MYO1D: variants seen among roughly 807,000 people sequenced by gnomAD.
MYO1D encodes myosin ID.
In MYO1D, 83 loss-of-function variants were observed where a neutral mutation model predicts 122.0. The observed-to-expected ratio is 0.68, with a 90% CI of 0.57 to 0.82. The LOEUF (loss-of-function observed/expected upper bound fraction) is 0.82. Among genes scored for constraint, MYO1D ranks in the 40% least tolerant of loss-of-function variants. The pLI is 0.00. For synonymous variants in MYO1D, 464 were observed against 446.9 expected (o/e 1.04, Z -0.48); for missense variants, 1,157 against 1,269.5 (o/e 0.91, Z 1.35).
At chr17:32,691,879 T>C (rs1042603731) in intron 16 of MYO1D, among the ~76,000 whole-genome samples, 1 of 152,210 alleles carries the variant, frequency 6.6e-6, no homozygotes, top group Non-Finnish European at 1.5e-5. Context: ...CTTATGCCAG[T>C]AGTGTACATC....
At chr17:32,582,069 G>A (rs1257580477) in intron 21 of MYO1D, among the ~76,000 whole-genome samples, 1 of 151,790 alleles carries the variant, frequency 6.6e-6, no homozygotes, top group Non-Finnish European at 1.5e-5. Flanking sequence ...AGGCACCATG[G>A]CTGGCTGATT....
chr17:32,622,531 G>C (rs555733828), intron 20 of MYO1D, among the ~76,000 whole-genome samples: 10 of 152,280 alleles, frequency 6.6e-5, no homozygotes, highest in African/African-American at 2.4e-4. Context: ...AAGGCATACA[G>C]AGGGATAAGA....
intron 1 of MYO1D, among the ~76,000 whole-genome samples, chr17:32,832,293 C>CT (rs955471882): frequency 0.04 from 5,554 of 139,818 alleles, 264 homozygotes; most frequent in African/African-American, 0.12. Flanking sequence ...TTTCTTTCTT[C>CT]TTTTTTTTTT....
chr17:32,602,671 A>C (rs2087575899), intron 21 of MYO1D: 1 of 152,056 alleles, frequency 6.6e-6, no homozygotes, highest in African/African-American at 2.4e-5. Flanking sequence ...CAGCCTTGGG[A>C]AGTTTTGAGC....
chr17:32,513,549 T>C (rs1909772249), intron 21 of MYO1D, among the ~76,000 whole-genome samples: 1 of 152,190 alleles, frequency 6.6e-6, no homozygotes, highest in Non-Finnish European at 1.5e-5. Context: ...CTCAGTGCTC[T>C]CTCTCCCTTA....
intron 1 of MYO1D, among the ~76,000 whole-genome samples, chr17:32,840,269 G>C (rs1598145963): frequency 6.6e-6 from 1 of 152,210 alleles, no homozygotes; most frequent in East Asian, 1.9e-4. Context: ...GGCATCTAAA[G>C]GAAGGTTGCA....
chr17:32,798,628 A>G (rs2090437378), intron 1 of MYO1D, among the ~76,000 whole-genome samples: 1 of 152,206 alleles, frequency 6.6e-6, no homozygotes, highest in Admixed American at 6.5e-5. Context: ...GGCATCCCCA[A>G]GTGAAATATC....
chr17:32,623,103 G>GCCCC (rs1555632427), intron 20 of MYO1D, among the ~76,000 whole-genome samples: 1 of 93,628 alleles, frequency 1.1e-5, no homozygotes, highest in East Asian at 3.1e-4. Flanking sequence ...CAGAATGGCT[G>GCCCC]CTCAACAGGA....
intron 20 of MYO1D, among the ~76,000 whole-genome samples, chr17:32,606,066 C>T (rs1297249687): frequency 6.6e-6 from 1 of 152,116 alleles, no homozygotes; most frequent in African/African-American, 2.4e-5. Context: ...TGCCACTGTA[C>T]TCCACTCCAG....
At chr17:32,799,937 A>G (rs145503882) in intron 1 of MYO1D, among the ~76,000 whole-genome samples, 43 of 152,328 alleles carry the variant, frequency 2.8e-4, no homozygotes, top group African/African-American at 1.0e-3. Context: ...ATACATATGA[A>G]AAACTGCTCA....
chr17:32,654,433 T>G, intron 18 of MYO1D, 44 bp downstream of exon 18: 1 of 1,545,516 alleles, frequency 6.5e-7, no homozygotes, highest in African/African-American at 1.4e-5. Flanking sequence ...TCTTTTTTAG[T>G]AGAGGAAGTA....
At chr17:32,834,997 T>C (rs9891828) in intron 1 of MYO1D, among the ~76,000 whole-genome samples, 69,847 of 151,508 alleles carry the variant, frequency 0.46, 16,168 homozygotes, top group East Asian at 0.53. Flanking sequence ...GGTGACAGAG[T>C]AAGACTCTGC....
In MYO1D at chr17:32,721,148, T is replaced by G; in HGVS notation, c.1788A>C (p.Lys596Asn). The change falls in exon 15 of 22, where the codon AAA becomes AAC. Residue 596 changes from lysine to asparagine, a missense_variant. Transcript: ENST00000318217. Reference protein sequence around the residue: ...YVRCIKPNDKKSPQIFDDERC... With the variant: ...YVRCIKPNDKNSPQIFDDERC... ...GTTCATCATCAAATATCTGTGGAGATTTCTTGTCATTGGGTTTGATGCAAC... is the reference window on the plus strand; with the variant it reads ...GTTCATCATCAAATATCTGTGGAGAGTTCTTGTCATTGGGTTTGATGCAAC... 1.2e-6 allele frequency: 2 copies of G among 1,614,120 alleles called. No individual in the cohort carries two copies. Among genetic ancestry groups the G allele is most frequent in the Non-Finnish European group, 1.7e-6 (2 of 1,179,984 alleles).
chr17:32,826,288 G>T (rs879731132), intron 1 of MYO1D, among the ~76,000 whole-genome samples: 2 of 18,682 alleles, frequency 1.1e-4, no homozygotes, highest in South Asian at 3.0e-3. Flanking sequence ...TCACCTACCT[G>T]CAATCAACAC....
intron 17 of MYO1D, among the ~76,000 whole-genome samples, chr17:32,656,316 T>C (rs190464388): frequency 1.3e-5 from 2 of 151,740 alleles, no homozygotes; most frequent in East Asian, 3.9e-4. Context: ...CACCAGAAAA[T>C]GGGAATGTCA....
At chr17:32,741,621 T>A (rs904499957) in intron 13 of MYO1D, among the ~76,000 whole-genome samples, 1 of 152,218 alleles carries the variant, frequency 6.6e-6, no homozygotes, top group African/African-American at 2.4e-5. Context: ...TGGGTAATAA[T>A]GAATCAGAGT....
At chr17:32,836,213 T>C (rs890773754) in intron 1 of MYO1D, among the ~76,000 whole-genome samples, 7 of 152,220 alleles carry the variant, frequency 4.6e-5, no homozygotes, top group African/African-American at 1.4e-4. Flanking sequence ...TTTTTACCTA[T>C]TAACCATATG....
intron 1 of MYO1D, among the ~76,000 whole-genome samples, chr17:32,871,807 T>C (rs1487924248): frequency 1.3e-5 from 2 of 152,208 alleles, no homozygotes; most frequent in Non-Finnish European, 2.9e-5. Context: ...TGCAAGCAGC[T>C]TGCCCTGGCA....
chr17:32,580,001 C>T (rs967223356), intron 21 of MYO1D, among the ~76,000 whole-genome samples: 2 of 152,086 alleles, frequency 1.3e-5, no homozygotes, highest in African/African-American at 4.8e-5. Flanking sequence ...AGATAAATAT[C>T]TAGGAGTGGA....
Sources: allele counts gnomAD v4.1 joint callset (sites outside exome capture counted in the v4.1 genomes callset), GRCh38; gene constraint gnomAD v4.1.1; transcripts MANE v1.5; gene names NCBI Gene and HGNC (gene_info 2026-07-23, HGNC 2026-07-21).